Variants in CNTN4 observed in about 807,000 individuals in gnomAD.
The protein encoded by CNTN4 is contactin-4.
Under a neutral mutation model 122.5 loss-of-function variants are expected in CNTN4, and 77 were observed. That is an observed-to-expected ratio of 0.63 (90% CI 0.52 to 0.76). The LOEUF (loss-of-function observed/expected upper bound fraction) is 0.76, where lower values mean the gene tolerates loss of function less well. Among genes scored for constraint, CNTN4 ranks in the 30% least tolerant of loss-of-function variants. The probability of loss-of-function intolerance (pLI) is 0.00; values close to 1 mark genes in which losing one functional copy is unlikely to be tolerated. For synonymous variants in CNTN4, 512 were observed against 447.0 expected (o/e 1.15, Z -1.83); for missense variants, 1,256 against 1,259.1 (o/e 1.00, Z 0.04).
At chr3:2,755,482 C>G (rs2090293004) in intron 6 of CNTN4, among the ~76,000 whole-genome samples, 1 of 152,124 alleles carries the variant, frequency 6.6e-6, no homozygotes, top group Non-Finnish European at 1.5e-5. Context: ...CAAACCCAAA[C>G]TTGCTGAGTT....
chr3:2,866,853 A>C lies in CNTN4; in HGVS notation c.556A>C (p.Lys186Gln), dbSNP rs35687367. ...GAATCTGTATATTGCCAAAGTAGAA[A>C]AATCAGATGTTGGGAATTATACCTG... ...TGNLYIAKVE[K>Q]SDVGNYTCVV... The change falls in exon 8 of 25, where the codon AAA becomes CAA. Residue 186 changes from lysine to glutamine, a missense_variant. Lys to Gln is a moderately conservative substitution (Grantham distance 53, BLOSUM62 1). Coordinates refer to ENST00000418658, the MANE Select transcript of CNTN4 (RefSeq NM_175607.3). 2.2e-4 allele frequency: 353 copies of C among 1,613,944 alleles called. No homozygotes were observed. Among genetic ancestry groups the C allele is most frequent in the Admixed American group, 2.2e-4 (13 of 59,998 alleles).
chr3:2,335,549 G>A (rs2043917435), intron 2 of CNTN4, among the ~76,000 whole-genome samples: 1 of 149,614 alleles, frequency 6.7e-6, no homozygotes, highest in Non-Finnish European at 1.5e-5. Flanking sequence ...CCCCTGTAAA[G>A]CAGCACAAAA....
intron 4 of CNTN4, among the ~76,000 whole-genome samples, chr3:2,727,611 C>A (rs2088324190): frequency 6.6e-6 from 1 of 152,170 alleles, no homozygotes; most frequent in African/African-American, 2.4e-5. Context: ...ACAATTTTTC[C>A]CCAAGGAGAG....
intron 8 of CNTN4, among the ~76,000 whole-genome samples, chr3:2,874,212 C>T (rs2093817319): frequency 6.6e-6 from 1 of 152,076 alleles, no homozygotes; most frequent in African/African-American, 2.4e-5. Context: ...TCTTGGATGG[C>T]CATTTGGCTA....
At chr3:2,297,333 T>C (rs2042349536) in intron 2 of CNTN4, among the ~76,000 whole-genome samples, 1 of 152,220 alleles carries the variant, frequency 6.6e-6, no homozygotes, top group Non-Finnish European at 1.5e-5. Flanking sequence ...TCTGTATACA[T>C]CATACTGTTG....
At chr3:2,905,890 G>T (rs1335055664) in intron 12 of CNTN4, among the ~76,000 whole-genome samples, 1 of 152,198 alleles carries the variant, frequency 6.6e-6, no homozygotes, top group Non-Finnish European at 1.5e-5. Flanking sequence ...AAATATCTGG[G>T]ATAGTTTCCT....
At chr3:2,928,861 T>C (rs1006254480) in intron 13 of CNTN4, among the ~76,000 whole-genome samples, 4 of 152,226 alleles carry the variant, frequency 2.6e-5, no homozygotes, top group Non-Finnish European at 5.9e-5. Context: ...TTTTGTCTCA[T>C]CTAACCATGT....
intron 13 of CNTN4, among the ~76,000 whole-genome samples, chr3:2,935,297 C>T (rs2094558072): frequency 2.0e-5 from 3 of 152,128 alleles, no homozygotes; most frequent in African/African-American, 7.2e-5. Flanking sequence ...GTATATGAAG[C>T]TGCTTTTTAA....
intron 3 of CNTN4, among the ~76,000 whole-genome samples, chr3:2,422,259 AG>A (rs2047646945): frequency 1.3e-5 from 2 of 152,352 alleles, no homozygotes; most frequent in South Asian, 4.1e-4. Context: ...GTTACATTTA[AG>A]GAACTCTCCT....
chr3:2,163,282 G>C (rs1204666298), intron 2 of CNTN4, among the ~76,000 whole-genome samples: 1 of 152,092 alleles, frequency 6.6e-6, no homozygotes, highest in Non-Finnish European at 1.5e-5. Flanking sequence ...AATGGTGCAG[G>C]GAAAACTGGC....
chr3:2,543,615 C>G (rs1052376261), intron 3 of CNTN4, among the ~76,000 whole-genome samples: 4 of 152,088 alleles, frequency 2.6e-5, no homozygotes, highest in Non-Finnish European at 5.9e-5. Flanking sequence ...GGAGCCAAAA[C>G]AAGACAATTT....
intron 2 of CNTN4, among the ~76,000 whole-genome samples, chr3:2,142,259 A>T (rs2035028817): frequency 6.6e-6 from 1 of 152,200 alleles, no homozygotes; most frequent in African/African-American, 2.4e-5. Flanking sequence ...TTTTTGTAAA[A>T]TATTTCATAA....
chr3:2,260,298 A>G (rs941079982), intron 2 of CNTN4, among the ~76,000 whole-genome samples: 1 of 152,068 alleles, frequency 6.6e-6, no homozygotes, highest in African/African-American at 2.4e-5. Context: ...TCTACCCTGT[A>G]GCACCACCCG....
intron 14 of CNTN4, among the ~76,000 whole-genome samples, chr3:3,016,620 A>G (rs1697781706): frequency 6.6e-6 from 1 of 152,122 alleles, no homozygotes; most frequent in Non-Finnish European, 1.5e-5. Context: ...TTGGGAGGCA[A>G]CCAAGAGCAT....
At chr3:2,425,756 G>A (rs2047803143) in intron 3 of CNTN4, among the ~76,000 whole-genome samples, 1 of 152,108 alleles carries the variant, frequency 6.6e-6, no homozygotes, top group Non-Finnish European at 1.5e-5. Context: ...GCAGTGCTTT[G>A]TAGTTCTCCT....
chr3:2,111,378 T>C (rs1377114518), intron 2 of CNTN4, among the ~76,000 whole-genome samples: 1 of 152,216 alleles, frequency 6.6e-6, no homozygotes, highest in Non-Finnish European at 1.5e-5. Context: ...CCTGTTCTTC[T>C]GAATTAATGA....
At chr3:2,571,263 C>T in intron 3 of CNTN4, 153 bp from the exon 4 acceptor site, 1 of 570,788 alleles carries the variant, frequency 1.8e-6, no homozygotes, top group East Asian at 3.0e-5. Context: ...GTCTTATTAG[C>T]TTTATATTCA....
intron 6 of CNTN4, among the ~76,000 whole-genome samples, chr3:2,768,899 C>G (rs1230809779): frequency 6.6e-6 from 1 of 152,154 alleles, no homozygotes; most frequent in African/African-American, 2.4e-5. Context: ...TAGGAAGTGA[C>G]TTCCTCAAGT....
intron 2 of CNTN4, among the ~76,000 whole-genome samples, chr3:2,295,313 A>G (rs1041201531): frequency 1.4e-5 from 2 of 139,276 alleles, no homozygotes; most frequent in African/African-American, 2.8e-5. Flanking sequence ...AAGTGTTCCT[A>G]TTTCTCCACA....
Sources: gnomAD v4.1 joint callset for allele counts (sites outside exome capture counted in the v4.1 genomes callset) on GRCh38, gnomAD v4.1.1 for gene constraint, MANE v1.5 for transcripts, NCBI Gene and HGNC (gene_info 2026-07-23, HGNC 2026-07-21) for gene names.